The following ANKRD45 variants were observed in gnomAD, a reference collection of about 807,000 sequenced individuals.
The protein encoded by ANKRD45 is ankyrin repeat domain 45, also known as ankyrin repeat domain-containing protein 45.
Under a neutral mutation model 28.1 loss-of-function variants are expected in ANKRD45, and 21 were observed. That is an observed-to-expected ratio of 0.75 (90% CI 0.53 to 1.08). The LOEUF (loss-of-function observed/expected upper bound fraction) is 1.08. Among genes scored for constraint, ANKRD45 ranks in the 50% least tolerant of loss-of-function variants. The pLI is 0.00. For synonymous variants in ANKRD45, 86 were observed against 103.9 expected (o/e 0.83, Z 1.05); for missense variants, 261 against 308.7 (o/e 0.85, Z 1.16).
intron 3 of ANKRD45, among the ~76,000 whole-genome samples, chr1:173,642,485 AG>A (rs1668744784): frequency 6.6e-6 from 1 of 152,242 alleles, no homozygotes; most frequent in South Asian, 2.1e-4. Context: ...TCCTCTTCAA[AG>A]GGACATTCCT....
At chr1:173,664,524 T>A (rs1225814649) in intron 1 of ANKRD45, among the ~76,000 whole-genome samples, 1 of 152,170 alleles carries the variant, frequency 6.6e-6, no homozygotes, top group East Asian at 1.9e-4. Context: ...ATCTCCTACA[T>A]TCCAACTACC....
rs753401463 is a variant in ANKRD45 at position 173,627,155 on chromosome 1, T to C, written c.501A>G (p.Ala167=). ...ECVEFLDWAD[A]RLTLKKYIAK... ...CAATATATTTTTTCAGAGTCAGCCT[T>C]GCATCTGAAAGAATGGACAGAAACA... The change falls in exon 4 of 6, where the codon GCA becomes GCG. Residue 167 remains alanine, a synonymous_variant. Coordinates refer to ENST00000333279, the MANE Select transcript of ANKRD45 (RefSeq NM_198493.3). The C allele has an allele frequency of 6.2e-7, 1 of 1,607,730 alleles. No homozygotes were observed. Among genetic ancestry groups the C allele is most frequent in the Admixed American group, 1.7e-5 (1 of 59,968 alleles).
chr1:173,671,320 AAG>A (rs1670249195), upstream of ANKRD45, among the ~76,000 whole-genome samples: 1 of 152,152 alleles, frequency 6.6e-6, no homozygotes, highest in Non-Finnish European at 1.5e-5. Context: ...ACCACTTAAA[AAG>A]TACTTCTTAC....
chr1:173,702,153 G>C, the ANKRD45 span, among the ~76,000 whole-genome samples: 3 of 152,156 alleles, frequency 2.0e-5, no homozygotes, highest in Non-Finnish European at 4.4e-5. Context: ...TCTTGGAGGG[G>C]GATGAGACAG....
chr1:173,692,691 C>G, the ANKRD45 span, among the ~76,000 whole-genome samples: 1 of 152,184 alleles, frequency 6.6e-6, no homozygotes, highest in African/African-American at 2.4e-5. Flanking sequence ...TTTACTAAAA[C>G]ATGAATAAAA....
At chr1:173,694,633 G>T in the ANKRD45 span, among the ~76,000 whole-genome samples, 1 of 151,496 alleles carries the variant, frequency 6.6e-6, no homozygotes, top group African/African-American at 2.4e-5. Context: ...GTATAGTGGT[G>T]AATCTGGAAT....
At position 173,646,985 on chromosome 1, in the gene ANKRD45, G is replaced by A; in HGVS notation, c.357C>T (p.Ala119=). The A allele has an allele frequency of 6.2e-7, 1 of 1,613,990 alleles. No individual in the cohort carries two copies. The change falls in exon 3 of 6, where the codon GCC becomes GCT. Residue 119 remains alanine, a synonymous_variant. Transcript: ENST00000333279. ...RGYTLLHCAA[A]WGRLETLKAL... ...CTTTCAAAGTTTCCAAACGACCCCA[G>A]GCTGCAGCACAATGTAAGAGTGTGT...
At chr1:173,613,580 C>T (rs1362888924) in intron 5 of ANKRD45, among the ~76,000 whole-genome samples, 6 of 145,292 alleles carry the variant, frequency 4.1e-5, no homozygotes, top group South Asian at 2.1e-4. Flanking sequence ...CCCGGCCAGC[C>T]GCCCCGTCCG....
the ANKRD45 span, among the ~76,000 whole-genome samples, chr1:173,681,920 C>T: frequency 7.9e-5 from 12 of 151,700 alleles, no homozygotes; most frequent in African/African-American, 2.7e-4. Flanking sequence ...CATGGTGGCA[C>T]GCACCTATAG....
At chr1:173,689,966 T>C in the ANKRD45 span, among the ~76,000 whole-genome samples, 2 of 151,180 alleles carry the variant, frequency 1.3e-5, no homozygotes, top group African/African-American at 2.4e-5. Context: ...GTCCTAAGAA[T>C]TGGTCAATTT....
chr1:173,669,475 A>G (rs1358680257), intron 1 of ANKRD45: 2 of 455,798 alleles, frequency 4.4e-6, no homozygotes, highest in South Asian at 3.1e-5. Flanking sequence ...CTGGGCACAC[A>G]GAGTTAAACA....
chr1:173,682,935 C>T, the ANKRD45 span, among the ~76,000 whole-genome samples: 1 of 127,480 alleles, frequency 7.8e-6, no homozygotes, highest in Non-Finnish European at 1.5e-5. Flanking sequence ...AAAATCTTGC[C>T]TCTCTCTTTT....
intron 3 of ANKRD45, chr1:173,637,154 C>A: frequency 1.3e-6 from 1 of 768,224 alleles, no homozygotes; most frequent in Non-Finnish European, 2.0e-6. Context: ...ACAATCTTTA[C>A]TAAAATTTTC....
intron 2 of ANKRD45, among the ~76,000 whole-genome samples, chr1:173,648,035 C>T (rs1392390177): frequency 3.3e-5 from 5 of 152,040 alleles, no homozygotes; most frequent in Non-Finnish European, 7.4e-5. Context: ...CTCCGTGTCC[C>T]GGGTTCAAGC....
intron 5 of ANKRD45, among the ~76,000 whole-genome samples, chr1:173,613,284 CGTCTG>C: frequency 6.6e-6 from 1 of 151,774 alleles, no homozygotes; most frequent in East Asian, 2.0e-4. Flanking sequence ...CCGGCCGCCC[CGTCTG>C]AGAAGCGAGG....
At chr1:173,661,225 T>A (rs1669762112) in intron 1 of ANKRD45, among the ~76,000 whole-genome samples, 1 of 152,078 alleles carries the variant, frequency 6.6e-6, no homozygotes, top group South Asian at 2.1e-4. Context: ...AGACAAGATG[T>A]GGGAAATGTG....
At chr1:173,710,969 C>T in the ANKRD45 span, among the ~76,000 whole-genome samples, 2 of 152,008 alleles carry the variant, frequency 1.3e-5, no homozygotes, top group East Asian at 3.9e-4. Flanking sequence ...TGCACTACTG[C>T]ACTCCAGCCT....
At chr1:173,660,998 T>C (rs1422287939) in intron 1 of ANKRD45, among the ~76,000 whole-genome samples, 3 of 152,060 alleles carry the variant, frequency 2.0e-5, no homozygotes, top group Non-Finnish European at 4.4e-5. Flanking sequence ...CACAGAACAA[T>C]ATAAATGAAT....
intron 2 of ANKRD45, among the ~76,000 whole-genome samples, chr1:173,655,588 G>A (rs13375569): frequency 0.012 from 1,801 of 152,302 alleles, 43 homozygotes; most frequent in African/African-American, 0.041. Flanking sequence ...CAGTGTGTCC[G>A]TTCTCAGAGC....
Sources: allele counts gnomAD v4.1 joint callset (sites outside exome capture counted in the v4.1 genomes callset), GRCh38; gene constraint gnomAD v4.1.1; transcripts MANE v1.5; gene names NCBI Gene and HGNC (gene_info 2026-07-23, HGNC 2026-07-21).